The following DLG2 variants were observed in gnomAD, a reference collection of about 807,000 sequenced individuals.
The protein encoded by DLG2 is discs large MAGUK scaffold protein 2, also known as disks large homolog 2.
DLG2 carries 45 observed loss-of-function variants against 132.5 expected under a neutral mutation model. The observed-to-expected ratio is 0.34, with a 90% CI of 0.27 to 0.44. The LOEUF (loss-of-function observed/expected upper bound fraction) is 0.44, where lower values mean the gene tolerates loss of function less well. DLG2 is among the 20% of genes least tolerant of loss of function. DLG2 has a pLI of 1.00. For missense variants in DLG2, 1,045 were observed against 1,196.9 expected, an observed-to-expected ratio of 0.87 and a Z score of 1.87; for synonymous variants, 424 against 419.6, an observed-to-expected ratio of 1.01 and a Z score of -0.13.
intron 6 of DLG2, among the ~76,000 whole-genome samples, chr11:84,710,844 T>C (rs112336606): frequency 6.6e-6 from 1 of 151,198 alleles, no homozygotes; most frequent in Admixed American, 6.6e-5. Context: ...TTCAAAAATA[T>C]TACCTTATTT....
rs1357298207 is a variant in DLG2, at chr11:83,484,116, A to C, written c.2293+13T>G. On this transcript the variant is annotated intron_variant, in intron 22 of 27. Transcript: ENST00000376104. Reference sequence around the variant, plus strand: ...TATGTTGCATGTGACATTATCTTTCAGAATCTACTTACGTTCAGGATCACT... The same window carrying C: ...TATGTTGCATGTGACATTATCTTTCCGAATCTACTTACGTTCAGGATCACT... The C allele has an allele frequency of 7.5e-6, 12 of 1,606,412 alleles. No individual in the cohort carries two copies. The highest frequency in any genetic ancestry group is 1.3e-5 in the African/African-American group (1 of 74,678).
intron 6 of DLG2, among the ~76,000 whole-genome samples, chr11:84,702,884 A>G (rs1305890694): frequency 6.6e-6 from 1 of 151,644 alleles, no homozygotes; most frequent in Non-Finnish European, 1.5e-5. Context: ...TGGCATATGA[A>G]AAGATCTATA....
rs2073565074 is a variant in DLG2, at chr11:83,901,948, TACTC to T, written c.1497-27464_1497-27461del. Among the ~76,000 whole-genome samples, 2 of 152,292 alleles carry T rather than the reference TACTC, an allele frequency of 1.3e-5. 1 individual carries two copies. The highest frequency in any genetic ancestry group is 6.8e-3 in the Middle Eastern group (2 of 294). On this transcript the variant is annotated intron_variant, in intron 15 of 27. Coordinates refer to ENST00000376104, the MANE Select transcript of DLG2 (RefSeq NM_001142699.3). Reference sequence around the variant, plus strand: ...TATATATTATGGAAGATATAGTAGGTACTCAATTAATCACTAAATATTATTACTA... The same window carrying T: ...TATATATTATGGAAGATATAGTAGGTAATTAATCACTAAATATTATTACTA...
intron 19 of DLG2, among the ~76,000 whole-genome samples, chr11:83,594,512 A>G (rs1385811724): frequency 6.6e-6 from 1 of 152,236 alleles, no homozygotes; most frequent in African/African-American, 2.4e-5. Context: ...ATGCTTAAAG[A>G]ACATTCATTT....
chr11:84,212,901 G>A (rs1247820003), intron 8 of DLG2, among the ~76,000 whole-genome samples: 1 of 152,104 alleles, frequency 6.6e-6, no homozygotes, highest in African/African-American at 2.4e-5. Flanking sequence ...TTCGTGATCC[G>A]CCCACCTCAG....
At chr11:84,045,158 G>T (rs1168303937) in intron 11 of DLG2, among the ~76,000 whole-genome samples, 2 of 151,698 alleles carry the variant, frequency 1.3e-5, no homozygotes, top group African/African-American at 4.8e-5. Flanking sequence ...TTATTTTTAT[G>T]TTTATCTTTC....
intron 18 of DLG2, among the ~76,000 whole-genome samples, chr11:83,780,903 C>A (rs1312042015): frequency 6.6e-6 from 1 of 152,144 alleles, no homozygotes; most frequent in African/African-American, 2.4e-5. Context: ...CCAACAGTGA[C>A]AAGTGACAAT....
chr11:85,372,757 T>C (rs979548082), intron 3 of DLG2, among the ~76,000 whole-genome samples: 10 of 152,244 alleles, frequency 6.6e-5, no homozygotes, highest in Non-Finnish European at 1.5e-5. Context: ...TTGGCACTCA[T>C]GGCAGCACCT....
chr11:84,401,349 T>A (rs890347483), intron 7 of DLG2, among the ~76,000 whole-genome samples: 10 of 152,170 alleles, frequency 6.6e-5, no homozygotes, highest in Admixed American at 6.5e-5. Context: ...TTATTATACT[T>A]ATTTTTGTAA....
At chr11:85,377,343 T>C (rs1490463604) in intron 3 of DLG2, among the ~76,000 whole-genome samples, 1 of 152,134 alleles carries the variant, frequency 6.6e-6, no homozygotes, top group Non-Finnish European at 1.5e-5. Flanking sequence ...CCTACCTGTG[T>C]GAACTTGGGC....
At chr11:85,086,361 G>A (rs1031847736) in intron 6 of DLG2, among the ~76,000 whole-genome samples, 3 of 152,054 alleles carry the variant, frequency 2.0e-5, no homozygotes, top group African/African-American at 7.2e-5. Flanking sequence ...CAAAGTTTAT[G>A]GAACATGGGA....
At chr11:83,762,360 T>C (rs950108144) in intron 18 of DLG2, among the ~76,000 whole-genome samples, 2 of 152,196 alleles carry the variant, frequency 1.3e-5, no homozygotes, top group Non-Finnish European at 2.9e-5. Context: ...ATGCTGCAGG[T>C]GGACCATTCT....
chr11:84,091,815 G>T (rs2097097864), intron 10 of DLG2, among the ~76,000 whole-genome samples: 1 of 152,132 alleles, frequency 6.6e-6, no homozygotes, highest in Non-Finnish European at 1.5e-5. Flanking sequence ...GGGAACTTGG[G>T]GTTCTCTTAT....
intron 6 of DLG2, among the ~76,000 whole-genome samples, chr11:84,675,936 T>A (rs976981899): frequency 1.3e-5 from 2 of 152,046 alleles, no homozygotes; most frequent in African/African-American, 4.8e-5. Flanking sequence ...GTGTGCCTCC[T>A]CTGGGTACCC....
chr11:85,010,355 A>C (rs1213282998), intron 6 of DLG2, among the ~76,000 whole-genome samples: 1 of 152,052 alleles, frequency 6.6e-6, no homozygotes, highest in East Asian at 1.9e-4. Flanking sequence ...CTAGTAATAA[A>C]AGAATGTGTC....
At chr11:84,284,894 A>G (rs1455266962) in intron 7 of DLG2, among the ~76,000 whole-genome samples, 1 of 152,226 alleles carries the variant, frequency 6.6e-6, no homozygotes, top group African/African-American at 2.4e-5. Flanking sequence ...CTGGCATATA[A>G]CAAAGGACAC....
At chr11:85,202,610 C>T (rs1214835465) in intron 4 of DLG2, among the ~76,000 whole-genome samples, 2 of 152,066 alleles carry the variant, frequency 1.3e-5, no homozygotes, top group East Asian at 3.9e-4. Context: ...TCCTCCAGCA[C>T]ATGGAACATT....
At chr11:84,533,557 A>G (rs1490483349) in intron 7 of DLG2, among the ~76,000 whole-genome samples, 4 of 152,198 alleles carry the variant, frequency 2.6e-5, no homozygotes, top group Admixed American at 2.0e-4. Context: ...TTAGCATACC[A>G]ATATGTTTGA....
intron 6 of DLG2, among the ~76,000 whole-genome samples, chr11:84,904,327 C>A (rs1157057581): frequency 6.6e-6 from 1 of 152,098 alleles, no homozygotes; most frequent in Non-Finnish European, 1.5e-5. Context: ...GCAATTATAT[C>A]CCTTTGTTTG....
Sources: gnomAD v4.1 joint callset for allele counts (sites outside exome capture counted in the v4.1 genomes callset) on GRCh38, gnomAD v4.1.1 for gene constraint, MANE v1.5 for transcripts, NCBI Gene and HGNC (gene_info 2026-07-23, HGNC 2026-07-21) for gene names.